PCDH9: variants seen among roughly 807,000 people sequenced by gnomAD.
PCDH9 encodes the protein protocadherin 9, also known as protocadherin-9.
A neutral mutation model predicts 70.6 loss-of-function variants in PCDH9; 24 were observed. The ratio of observed to expected loss-of-function variants is 0.34; its 90% confidence interval spans 0.25 to 0.48. PCDH9 has a LOEUF of 0.48. Among genes scored for constraint, PCDH9 ranks in the 20% least tolerant of loss-of-function variants. The probability of loss-of-function intolerance (pLI) is 0.99; values close to 1 mark genes in which losing one functional copy is unlikely to be tolerated. For missense variants in PCDH9, 1,281 were observed against 1,503.6 expected, an observed-to-expected ratio of 0.85 and a Z score of 2.45; for synonymous variants, 562 against 558.5, an observed-to-expected ratio of 1.01 and a Z score of -0.09.
At chr13:67,061,981 G>A (rs986112020) in intron 2 of PCDH9, among the ~76,000 whole-genome samples, 1 of 152,220 alleles carries the variant, frequency 6.6e-6, no homozygotes, top group African/African-American at 2.4e-5. Context: ...AGGCGGTAAC[G>A]GCAGGGAATT....
intron 3 of PCDH9, among the ~76,000 whole-genome samples, chr13:66,840,910 T>C (rs1016957781): frequency 6.6e-6 from 1 of 152,132 alleles, no homozygotes; most frequent in African/African-American, 2.4e-5. Context: ...CACTACTAAT[T>C]AGAGAGAGAT....
At chr13:66,371,609 AT>A (rs1028114265) in intron 4 of PCDH9, among the ~76,000 whole-genome samples, 21 of 152,032 alleles carry the variant, frequency 1.4e-4, no homozygotes, top group Non-Finnish European at 2.5e-4. Context: ...CTTAAAATTT[AT>A]TTTTTTCTTT....
chr13:66,863,315 GATTA>G (rs2081515055), intron 3 of PCDH9, among the ~76,000 whole-genome samples: 1 of 152,062 alleles, frequency 6.6e-6, no homozygotes, highest in Non-Finnish European at 1.5e-5. Context: ...TGATTGTGAG[GATTA>G]ATTGAGATAA....
At chr13:66,798,369 C>G (rs148953100) in intron 3 of PCDH9, among the ~76,000 whole-genome samples, 1 of 152,272 alleles carries the variant, frequency 6.6e-6, no homozygotes, top group Non-Finnish European at 1.5e-5. Context: ...CTAATCCCAT[C>G]TTCTCTTCCT....
intron 2 of PCDH9, among the ~76,000 whole-genome samples, chr13:66,992,214 C>T (rs549567279): frequency 2.0e-5 from 3 of 152,208 alleles, no homozygotes; most frequent in East Asian, 3.9e-4. Flanking sequence ...ACAAATGTTT[C>T]GATCATCTCT....
intron 2 of PCDH9, among the ~76,000 whole-genome samples, chr13:67,003,888 C>A (rs917400341): frequency 6.6e-6 from 1 of 152,144 alleles, no homozygotes; most frequent in African/African-American, 2.4e-5. Flanking sequence ...GTATATCTGT[C>A]ACGAGTTCTG....
At chr13:66,429,483 A>T (rs1008784162) in intron 4 of PCDH9, among the ~76,000 whole-genome samples, 5 of 151,384 alleles carry the variant, frequency 3.3e-5, no homozygotes, top group African/African-American at 1.2e-4. Context: ...CTATACAAAA[A>T]ATGTTTTCTA....
At chr13:67,171,533 T>G (rs1476974134) in intron 2 of PCDH9, among the ~76,000 whole-genome samples, 1 of 152,244 alleles carries the variant, frequency 6.6e-6, no homozygotes, top group Non-Finnish European at 1.5e-5. Context: ...ATGATTTCAT[T>G]AAAACTCTTG....
intron 3 of PCDH9, among the ~76,000 whole-genome samples, chr13:66,635,402 C>A (rs953694617): frequency 4.6e-5 from 7 of 152,104 alleles, no homozygotes; most frequent in African/African-American, 1.7e-4. Flanking sequence ...TCTGTCAGGA[C>A]TGCCACTATG....
chr13:66,709,479 C>G (rs911918104), intron 3 of PCDH9, among the ~76,000 whole-genome samples: 3 of 152,064 alleles, frequency 2.0e-5, no homozygotes, highest in African/African-American at 7.2e-5. Context: ...ATTTCTAAAG[C>G]CAAATTTCAT....
intron 3 of PCDH9, among the ~76,000 whole-genome samples, chr13:66,863,838 G>C (rs1041837905): frequency 1.3e-5 from 2 of 152,014 alleles, no homozygotes; most frequent in African/African-American, 4.8e-5. Context: ...ACATCGTATT[G>C]GTCCGTTCTC....
rs371752712 is a variant in PCDH9 at position 66,810,318 on chromosome 13, C to T, written c.3138+93186G>A. 2.0e-5 allele frequency among the ~76,000 whole-genome samples: 3 copies of T among 151,880 alleles called. No individual in the cohort carries two copies. In the East Asian group the frequency reaches 5.8e-4, roughly 29 times the overall value. ...TCTACATGATATTTTTAATAATTGGCTAATCAAAAGCAATCAATAGGGAAG... is the reference window on the plus strand; with the variant it reads ...TCTACATGATATTTTTAATAATTGGTTAATCAAAAGCAATCAATAGGGAAG... On this transcript the variant is annotated intron_variant, in intron 3 of 4. Coordinates refer to ENST00000377865, the MANE Select transcript of PCDH9 (RefSeq NM_203487.3).
At chr13:66,663,475 TA>T (rs1424922288) in intron 3 of PCDH9, among the ~76,000 whole-genome samples, 2 of 152,140 alleles carry the variant, frequency 1.3e-5, no homozygotes, top group Non-Finnish European at 2.9e-5. Flanking sequence ...ATTTGAGAAA[TA>T]AACGTGAGGG....
chr13:66,858,643 T>C (rs532400399), intron 3 of PCDH9, among the ~76,000 whole-genome samples: 11 of 152,220 alleles, frequency 7.2e-5, no homozygotes, highest in Non-Finnish European at 1.3e-4. Context: ...TTTGAAGCCT[T>C]CTCTGCCCTG....
intron 2 of PCDH9, among the ~76,000 whole-genome samples, chr13:67,143,544 A>G (rs992252233): frequency 6.6e-6 from 1 of 152,206 alleles, no homozygotes; most frequent in African/African-American, 2.4e-5. Context: ...CACCCATTTC[A>G]GACAATTTCC....
chr13:66,352,241 A>C (rs951302971), intron 4 of PCDH9, among the ~76,000 whole-genome samples: 10 of 152,236 alleles, frequency 6.6e-5, no homozygotes, highest in Non-Finnish European at 1.2e-4. Flanking sequence ...CAAATTAATA[A>C]ACATTCCAAC....
At chr13:66,400,818 A>G (rs1957171596) in intron 4 of PCDH9, among the ~76,000 whole-genome samples, 1 of 152,180 alleles carries the variant, frequency 6.6e-6, no homozygotes, top group Admixed American at 6.5e-5. Flanking sequence ...TGATAGTGTA[A>G]TATCTAAGGA....
intron 3 of PCDH9, among the ~76,000 whole-genome samples, chr13:66,682,682 T>C (rs2078345162): frequency 6.6e-6 from 1 of 152,136 alleles, no homozygotes; most frequent in Admixed American, 6.6e-5. Flanking sequence ...ATTTTTAGAA[T>C]TTCACATTTT....
chr13:66,745,895 T>G (rs1472602573), intron 3 of PCDH9, among the ~76,000 whole-genome samples: 1 of 152,152 alleles, frequency 6.6e-6, no homozygotes, highest in South Asian at 2.1e-4. Context: ...GAGAACATTT[T>G]TACTTTGCTC....
Sources: gnomAD v4.1 joint callset for allele counts (sites outside exome capture counted in the v4.1 genomes callset) on GRCh38, gnomAD v4.1.1 for gene constraint, MANE v1.5 for transcripts, NCBI Gene and HGNC (gene_info 2026-07-23, HGNC 2026-07-21) for gene names.